The following BAG4 variants were observed in gnomAD, a reference collection of about 807,000 sequenced individuals.
BAG4 encodes the protein BAG cochaperone 4.
BAG4 carries 28 observed loss-of-function variants against 52.1 expected under a neutral mutation model. The observed-to-expected ratio is 0.54, with a 90% CI of 0.40 to 0.74. The LOEUF (loss-of-function observed/expected upper bound fraction) is 0.74. Ranked by LOEUF, BAG4 falls within the 30% of genes least tolerant of loss-of-function variation. BAG4 has a pLI of 0.00. For missense variants in BAG4, 525 were observed against 572.0 expected (o/e 0.92, Z 0.84); for synonymous variants, 208 against 217.0 (o/e 0.96, Z 0.37).
At chr8:38,178,233 G>A (rs1180077244) in intron 1 of BAG4, among the ~76,000 whole-genome samples, 2 of 149,522 alleles carry the variant, frequency 1.3e-5, no homozygotes, top group Non-Finnish European at 3.0e-5. Context: ...TCGGCTCACT[G>A]CAACCTCCGC....
Position 38,177,233 on chromosome 8 carries a change from G to A in BAG4, c.270+94G>A, listed in dbSNP as rs1265979270. The A allele has an allele frequency of 4.0e-6, 6 of 1,514,364 alleles. No individual in the cohort carries two copies. The Admixed American group carries it at 1.4e-4, about 35-fold the overall frequency. The allele number at this position is 1,514,364 out of a possible 1,614,324, so 93.8% of individuals were successfully genotyped here. On this transcript the variant is annotated intron_variant, in intron 1 of 4. Transcript: ENST00000287322. Reference sequence around the variant, plus strand: ...GGTTTCATACTTGTTTTCCTTATGTGGAGGAGGGTGTGTTGCGGGGGGTGT... The same window carrying A: ...GGTTTCATACTTGTTTTCCTTATGTAGAGGAGGGTGTGTTGCGGGGGGTGT...
chr8:38,195,634 G>A (rs1803550544), intron 2 of BAG4, among the ~76,000 whole-genome samples: 1 of 152,158 alleles, frequency 6.6e-6, no homozygotes, highest in Admixed American at 6.6e-5. Flanking sequence ...AGGTTGATCA[G>A]AGATAATGGA....
Position 38,210,450 on chromosome 8 carries a change from A to G in BAG4, c.1331A>G (p.Lys444Arg). Residue 444 changes from lysine (K) to arginine (R), a missense_variant, in exon 5 of 5, where the codon AAG (lysine) becomes AGG (arginine). This residue lies in a region of BAG4 where 238 missense variants were observed against 305.8 expected (regional missense o/e 0.78). Transcript: ENST00000287322. ...CAGGCCAGAAAAGAGGCTGTTTGTA[A>G]GATTCAGGCCATACTGGAAAAATTA... Reference protein sequence around the residue: ...VRQARKEAVCKIQAILEKLEK... With the variant: ...VRQARKEAVCRIQAILEKLEK... 1 of 1,599,192 alleles carries G rather than the reference A, an allele frequency of 6.3e-7. No individual in the cohort carries two copies. Among genetic ancestry groups the G allele is most frequent in the Non-Finnish European group, 8.5e-7 (1 of 1,176,086 alleles).
At chr8:38,196,796 G>T (rs1438047608) in intron 2 of BAG4, among the ~76,000 whole-genome samples, 1 of 151,908 alleles carries the variant, frequency 6.6e-6, no homozygotes, top group Non-Finnish European at 1.5e-5. Context: ...GATTCTTTGG[G>T]CCTGGTGCGG....
intron 2 of BAG4, chr8:38,201,870 ATATATATATATTTTTTTT>A (rs1803678390): frequency 1.8e-4 from 1 of 5,598 alleles, no homozygotes; most frequent in Non-Finnish European, 3.6e-4. Context: ...ATATATATAT[ATATATATATATTTTTTTT>A]TTTTTTTTTT....
At chr8:38,183,121 T>C (rs567534799) in intron 1 of BAG4, among the ~76,000 whole-genome samples, 1 of 147,428 alleles carries the variant, frequency 6.8e-6, no homozygotes, top group African/African-American at 2.5e-5. Flanking sequence ...CTCGGCTCAC[T>C]GCAAGCTCCG....
intron 1 of BAG4, among the ~76,000 whole-genome samples, chr8:38,189,923 C>T (rs187146798): frequency 2.2e-4 from 33 of 152,046 alleles, no homozygotes; most frequent in Admixed American, 5.9e-4. Flanking sequence ...GTAGCTGGGA[C>T]TACAGGCGCC....
chr8:38,199,738 T>C (rs549455854), intron 2 of BAG4, among the ~76,000 whole-genome samples: 4 of 152,108 alleles, frequency 2.6e-5, no homozygotes, highest in African/African-American at 9.7e-5. Flanking sequence ...TTAGTCAGGA[T>C]GGTCTTGACC....
intron 2 of BAG4, among the ~76,000 whole-genome samples, chr8:38,206,140 T>C (rs1803766599): frequency 6.6e-6 from 1 of 151,048 alleles, no homozygotes; most frequent in South Asian, 2.1e-4. Context: ...GTACAAAAAT[T>C]ATAGCATGCC....
chr8:38,192,589 TG>T, intron 1 of BAG4, 98 bp from the exon 2 acceptor site: 4 of 963,444 alleles, frequency 4.2e-6, no homozygotes, highest in Non-Finnish European at 6.0e-6. Flanking sequence ...TTTTGTCTAT[TG>T]CTTTTTTTTT....
intron 1 of BAG4, among the ~76,000 whole-genome samples, chr8:38,181,176 C>T (rs1484302025): frequency 6.6e-6 from 1 of 151,216 alleles, no homozygotes; most frequent in African/African-American, 2.4e-5. Context: ...CTCCTGACCT[C>T]GTGATCCGCC....
At chr8:38,197,238 C>T (rs1296318998) in intron 2 of BAG4, among the ~76,000 whole-genome samples, 1 of 152,082 alleles carries the variant, frequency 6.6e-6, no homozygotes, top group African/African-American at 2.4e-5. Context: ...CATCAAGAGG[C>T]AATTTTGTCA....
chr8:38,196,830 AC>A (rs773628785), intron 2 of BAG4, among the ~76,000 whole-genome samples: 7 of 152,040 alleles, frequency 4.6e-5, no homozygotes, highest in Non-Finnish European at 8.8e-5. Flanking sequence ...TAATCCCAGC[AC>A]TTTGGGAGGC....
intron 3 of BAG4, among the ~76,000 whole-genome samples, chr8:38,208,714 G>A (rs893518518): frequency 6.6e-6 from 1 of 152,120 alleles, no homozygotes; most frequent in Admixed American, 6.6e-5. Context: ...TATAGCATAT[G>A]GGTCCGTTTG....
At chr8:38,192,944 T>A (rs908559882) in intron 2 of BAG4, 149 bp downstream of exon 2, 5 of 555,614 alleles carry the variant, frequency 9.0e-6, no homozygotes, top group African/African-American at 7.6e-5. Flanking sequence ...TGTTTTTAGC[T>A]CAGAGATAAG....
At chr8:38,207,806 C>G in intron 3 of BAG4, 40 bp downstream of exon 3, 1 of 1,607,928 alleles carries the variant, frequency 6.2e-7, no homozygotes, top group South Asian at 1.1e-5. Flanking sequence ...AATTCAAAGT[C>G]TCTGCCTCTT....
chr8:38,204,291 G>A (rs1359687793), intron 2 of BAG4: 4 of 152,246 alleles, frequency 2.6e-5, no homozygotes, highest in African/African-American at 9.7e-5. Context: ...AAGCTGAGGC[G>A]AGTGGATTGC....
rs1270882556 is a variant in BAG4 at position 38,211,776 on chromosome 8, G to A, written c.*1283G>A. Reference sequence around the variant, plus strand: ...ACAGTCATTTTAGAGCCAAATTTAAGAAAAGGATATTGAAAGGGTCTTTAT... The same window carrying A: ...ACAGTCATTTTAGAGCCAAATTTAAAAAAAGGATATTGAAAGGGTCTTTAT... On this transcript the variant is annotated 3_prime_UTR_variant, in exon 5 of 5. Coordinates refer to ENST00000287322, the MANE Select transcript of BAG4 (RefSeq NM_004874.4). 2 of 152,094 alleles carry A rather than the reference G, an allele frequency of 1.3e-5. No homozygotes were observed. Among genetic ancestry groups the A allele is most frequent in the Non-Finnish European group, 1.5e-5 (1 of 67,968 alleles). The allele number at this position is 152,094 out of a possible 1,614,324, so 9.4% of individuals were successfully genotyped here. A position where few individuals can be genotyped will look rare whatever the true frequency, so the allele number is the denominator to read the frequency against.
chr8:38,185,334 A>G (rs1018378632), intron 1 of BAG4, among the ~76,000 whole-genome samples: 2 of 152,180 alleles, frequency 1.3e-5, no homozygotes, highest in Non-Finnish European at 2.9e-5. Context: ...ACTTCTTTGT[A>G]TATTTTATAT....
Sources: allele counts gnomAD v4.1 joint callset (sites outside exome capture counted in the v4.1 genomes callset), GRCh38; gene constraint gnomAD v4.1.1; regional missense constraint gnomAD v4.1.1; transcripts MANE v1.5; gene names NCBI Gene and HGNC (gene_info 2026-07-23, HGNC 2026-07-21).